The following ZFHX3 variants were observed in gnomAD, a reference collection of about 807,000 sequenced individuals.
ZFHX3 encodes the protein zinc finger homeobox 3.
A neutral mutation model predicts 279.1 loss-of-function variants in ZFHX3; 42 were observed. The ratio of observed to expected loss-of-function variants is 0.15; its 90% CI spans 0.12 to 0.19. The LOEUF (loss-of-function observed/expected upper bound fraction) is 0.19, where lower values mean the gene tolerates loss of function less well. ZFHX3 is among the 10% of genes least tolerant of loss of function. The pLI, the probability that ZFHX3 is intolerant of heterozygous loss-of-function variation, is 1.00. For synonymous variants in ZFHX3, 2,293 were observed against 1,957.8 expected, an observed-to-expected ratio of 1.17 and a Z score of -4.52; for missense variants, 4,981 against 4,754.0, an observed-to-expected ratio of 1.05 and a Z score of -1.40.
intron 2 of ZFHX3, among the ~76,000 whole-genome samples, chr16:73,475,329 A>G (rs1340846315): frequency 6.6e-6 from 1 of 152,200 alleles, no homozygotes; most frequent in African/African-American, 2.4e-5. Context: ...AATGTAACAT[A>G]TATCTGTTTC....
At chr16:73,178,697 A>G (rs1041174542) in intron 5 of ZFHX3, among the ~76,000 whole-genome samples, 1 of 152,200 alleles carries the variant, frequency 6.6e-6, no homozygotes, top group African/African-American at 2.4e-5. Flanking sequence ...TATGTTGCCC[A>G]GGCTGGTTTC....
chr16:73,792,828 T>C (rs1959867976), intron 1 of ZFHX3, among the ~76,000 whole-genome samples: 1 of 151,460 alleles, frequency 6.6e-6, no homozygotes, highest in Non-Finnish European at 1.5e-5. Context: ...AAATATGACA[T>C]GTAGTTTGGC....
Position 72,950,836 on chromosome 16 carries a change from C to G in ZFHX3, c.2849G>C (p.Cys950Ser), listed in dbSNP as rs748657251. ...CAGGTTGTCCGTCGTGAACTTGTTG[C>G]AGACGGCGCACTGGAAGAGCTTCAG... is the stretch of plus-strand genomic sequence containing the variant. Reference protein sequence around the residue: ...PSLKLFQCAVCNKFTTDNLDM... With the variant: ...PSLKLFQCAVSNKFTTDNLDM... The change falls in exon 3 of 10, where the codon TGC becomes TCC. Residue 950 changes from cysteine (C) to serine (S), a missense_variant. Around this residue, in one of 7 missense-constraint regions of ZFHX3, gnomAD observed 1,751 missense variants for 1,770.0 expected, o/e 0.99. Transcript: ENST00000268489. 6.2e-7 allele frequency: 1 copy of G among 1,614,158 alleles called. No homozygotes were observed. Among genetic ancestry groups the G allele is most frequent in the Non-Finnish European group, 8.5e-7 (1 of 1,180,052 alleles).
chr16:73,127,250 T>A, intron 7 of ZFHX3: 1 of 1,068,678 alleles, frequency 9.4e-7, no homozygotes, highest in Non-Finnish European at 1.2e-6. Flanking sequence ...CGATCAGAGC[T>A]AAAGGCTGCC....
intron 2 of ZFHX3, among the ~76,000 whole-genome samples, chr16:73,538,006 A>G (rs2019937764): frequency 6.6e-6 from 1 of 152,228 alleles, no homozygotes; most frequent in Non-Finnish European, 1.5e-5. Flanking sequence ...TTCTAGAGTC[A>G]TGCTGACTGG....
chr16:73,527,715 G>GC (rs2019719940), intron 2 of ZFHX3, among the ~76,000 whole-genome samples: 1 of 152,190 alleles, frequency 6.6e-6, no homozygotes, highest in African/African-American at 2.4e-5. Flanking sequence ...TGTGTTAGCT[G>GC]CCCCTGTGGA....
At chr16:73,382,109 T>C (rs1385045083) in intron 3 of ZFHX3, among the ~76,000 whole-genome samples, 1 of 152,218 alleles carries the variant, frequency 6.6e-6, no homozygotes, top group African/African-American at 2.4e-5. Flanking sequence ...GTCCCCCATT[T>C]CTGACCAAAT....
chr16:72,961,588 T>G (rs2144469478), intron 1 of ZFHX3, among the ~76,000 whole-genome samples: 1 of 151,980 alleles, frequency 6.6e-6, no homozygotes, highest in South Asian at 2.1e-4. Context: ...TCGGCCAGGT[T>G]TGATCTCACT....
chr16:73,009,505 A>G (rs1187624286), intron 1 of ZFHX3, among the ~76,000 whole-genome samples: 2 of 152,180 alleles, frequency 1.3e-5, no homozygotes, highest in Non-Finnish European at 2.9e-5. Context: ...ATGGATGAAA[A>G]ATGAGTATAC....
chr16:73,411,253 C>G (rs1428625103), intron 3 of ZFHX3, among the ~76,000 whole-genome samples: 2 of 152,184 alleles, frequency 1.3e-5, no homozygotes, highest in Admixed American at 1.3e-4. Flanking sequence ...AATTTTTTGA[C>G]TTCTTGTACA....
At chr16:73,190,153 C>T (rs1005755439) in intron 5 of ZFHX3, among the ~76,000 whole-genome samples, 1 of 152,174 alleles carries the variant, frequency 6.6e-6, no homozygotes, top group African/African-American at 2.4e-5. Context: ...TAAGACTCAC[C>T]TTAAGGAACG....
At chr16:72,879,833 T>A (rs747689933) in intron 4 of ZFHX3, among the ~76,000 whole-genome samples, 4 of 152,208 alleles carry the variant, frequency 2.6e-5, no homozygotes, top group South Asian at 2.1e-4. Context: ...CCATCAAATT[T>A]CACAGGCACA....
intron 1 of ZFHX3, among the ~76,000 whole-genome samples, chr16:72,992,743 C>G (rs1470921691): frequency 6.6e-6 from 1 of 152,182 alleles, no homozygotes; most frequent in Non-Finnish European, 1.5e-5. Context: ...TTGGAACAGC[C>G]CATTCAGAAA....
intron 2 of ZFHX3, among the ~76,000 whole-genome samples, chr16:73,506,708 T>C (rs1213304667): frequency 6.6e-6 from 1 of 152,134 alleles, no homozygotes; most frequent in Non-Finnish European, 1.5e-5. Flanking sequence ...TTTTACACAG[T>C]AGGTGACATT....
chr16:73,860,327 T>A (rs901070391), intron 1 of ZFHX3, among the ~76,000 whole-genome samples: 6 of 152,128 alleles, frequency 3.9e-5, no homozygotes, highest in Admixed American at 6.5e-5. Flanking sequence ...GCTTCATAAT[T>A]TCTTGCAACT....
At chr16:73,862,268 T>C (rs563234033) in intron 1 of ZFHX3, among the ~76,000 whole-genome samples, 1 of 152,346 alleles carries the variant, frequency 6.6e-6, no homozygotes, top group African/African-American at 2.4e-5. Flanking sequence ...TCACTGATTA[T>C]AGGAGCTACC....
chr16:73,084,436 C>A (rs1965985067), intron 8 of ZFHX3, among the ~76,000 whole-genome samples: 1 of 149,998 alleles, frequency 6.7e-6, no homozygotes, highest in Non-Finnish European at 1.5e-5. Flanking sequence ...CATTTATATA[C>A]AACAACAGCA....
intron 2 of ZFHX3, among the ~76,000 whole-genome samples, chr16:73,524,138 C>T (rs1269794559): frequency 6.6e-6 from 1 of 152,142 alleles, no homozygotes; most frequent in African/African-American, 2.4e-5. Context: ...CATCTGTCAG[C>T]TGATTCCTTC....
chr16:73,091,066 C>A (rs930907417), intron 8 of ZFHX3, among the ~76,000 whole-genome samples: 2 of 151,818 alleles, frequency 1.3e-5, no homozygotes, highest in Non-Finnish European at 2.9e-5. Context: ...AAAAAATTAA[C>A]CAGGCATGGT....
Sources: gnomAD v4.1 joint callset for allele counts (sites outside exome capture counted in the v4.1 genomes callset) on GRCh38, gnomAD v4.1.1 for gene constraint, gnomAD v4.1.1 regional missense constraint, MANE v1.5 for transcripts, NCBI Gene and HGNC (gene_info 2026-07-23, HGNC 2026-07-21) for gene names.